The following CNTNAP2 variants were observed in gnomAD, a reference collection of about 807,000 sequenced individuals.
CNTNAP2 encodes the protein contactin associated protein 2, also known as contactin-associated protein-like 2.
In CNTNAP2, 98 loss-of-function variants were observed where a neutral mutation model predicts 155.2. The observed-to-expected ratio is 0.63, with a 90% CI of 0.54 to 0.75. CNTNAP2 has a LOEUF of 0.75. CNTNAP2 is among the 30% of genes least tolerant of loss of function. The pLI is 0.00. For missense variants in CNTNAP2, 1,727 were observed against 1,688.1 expected (o/e 1.02, Z -0.40); for synonymous variants, 651 against 631.2 (o/e 1.03, Z -0.47).
In CNTNAP2 at chr7:146,829,557, C is replaced by T. The variant is rs1803471143; in HGVS notation, c.209-10154C>T. On this transcript the variant is annotated intron_variant, in intron 2 of 23. Transcript: ENST00000361727. ...ACAAATGCAACTGACAATGTTAAGT[C>T]GAAAAGTATTTTTTTTTTACTTAAT... Among the ~76,000 whole-genome samples, 4 of 151,572 alleles carry T rather than the reference C, an allele frequency of 2.6e-5. No individual in the cohort carries two copies. In the East Asian group the frequency reaches 7.7e-4, roughly 29 times the overall value.
chr7:147,678,291 T>C (rs1279404566), intron 13 of CNTNAP2, among the ~76,000 whole-genome samples: 1 of 151,890 alleles, frequency 6.6e-6, no homozygotes, highest in Non-Finnish European at 1.5e-5. Context: ...AAAAATGTTT[T>C]GAAGAGGCAT....
At chr7:146,620,262 C>T (rs978680032) in intron 1 of CNTNAP2, among the ~76,000 whole-genome samples, 1 of 152,016 alleles carries the variant, frequency 6.6e-6, no homozygotes, top group Non-Finnish European at 1.5e-5. Context: ...TGACACCTGC[C>T]GAATCATGCC....
At position 146,780,610 on chromosome 7, in the gene CNTNAP2, C is replaced by T. The variant is rs112884537; in HGVS notation, c.208+6229C>T. Reference sequence around the variant, plus strand: ...GCTTTTTTTTAACATGTTTGTTGGCCGCAATCCAACCCAAATGGCCACCAA... The same window carrying T: ...GCTTTTTTTTAACATGTTTGTTGGCTGCAATCCAACCCAAATGGCCACCAA... On this transcript the variant is annotated intron_variant, in intron 2 of 23. Transcript: ENST00000361727. Among the ~76,000 whole-genome samples the T allele has an allele frequency of 5.0e-3, 754 of 151,860 alleles. 2 individuals are homozygous for T. Among genetic ancestry groups the T allele is most frequent in the Non-Finnish European group, 6.8e-3 (465 of 67,972 alleles).
intron 1 of CNTNAP2, among the ~76,000 whole-genome samples, chr7:146,507,827 T>G (rs1229933499): frequency 6.6e-6 from 1 of 152,164 alleles, no homozygotes; most frequent in Admixed American, 6.5e-5. Flanking sequence ...TTATGACATA[T>G]GGTGGGTTTA....
intron 1 of CNTNAP2, among the ~76,000 whole-genome samples, chr7:146,330,317 C>T (rs536508681): frequency 2.2e-4 from 33 of 152,146 alleles, no homozygotes; most frequent in African/African-American, 5.1e-4. Flanking sequence ...CCACTGCGCC[C>T]GGCTCGACAA....
chr7:146,245,230 G>C (rs1194691252), intron 1 of CNTNAP2, among the ~76,000 whole-genome samples: 1 of 152,062 alleles, frequency 6.6e-6, no homozygotes, highest in African/African-American at 2.4e-5. Context: ...CAGTCATGGG[G>C]GTCAGGTGTG....
chr7:146,720,907 T>C (rs963162556), intron 1 of CNTNAP2, among the ~76,000 whole-genome samples: 2 of 144,468 alleles, frequency 1.4e-5, no homozygotes, highest in Non-Finnish European at 3.0e-5. Flanking sequence ...ATATTCTATA[T>C]ATATACTCTC....
At position 146,679,797 on chromosome 7, in the gene CNTNAP2, G is replaced by A. The variant is rs113429621; in HGVS notation, c.98-94474G>A. Among the ~76,000 whole-genome samples, 1,456 of 151,458 alleles carry A rather than the reference G, an allele frequency of 9.6e-3. 22 individuals are homozygous for A. The highest frequency in any genetic ancestry group is 0.033 in the African/African-American group (1,341 of 41,232). On this transcript the variant is annotated intron_variant, in intron 1 of 23. Coordinates refer to ENST00000361727, the MANE Select transcript of CNTNAP2 (RefSeq NM_014141.6). ...TTTTGCCTGTATTCCCAATTATAGC[G>A]GTAACATTACTTGACTTCAATTGAT...
At chr7:147,202,800 G>T (rs1387864268) in intron 8 of CNTNAP2, among the ~76,000 whole-genome samples, 1 of 151,796 alleles carries the variant, frequency 6.6e-6, no homozygotes, top group Non-Finnish European at 1.5e-5. Context: ...CCTGTAGGGG[G>T]GTAGGGGGCT....
At chr7:146,823,253 A>G (rs181968467) in intron 2 of CNTNAP2, among the ~76,000 whole-genome samples, 203 of 149,206 alleles carry the variant, frequency 1.4e-3, no homozygotes, top group Middle Eastern at 0.011. Flanking sequence ...AAATGTAAAT[A>G]TACTCATTCT....
intron 1 of CNTNAP2, among the ~76,000 whole-genome samples, chr7:146,136,053 A>G (rs569598947): frequency 1.3e-5 from 2 of 152,288 alleles, no homozygotes; most frequent in South Asian, 4.1e-4. Context: ...CATGTTTGTA[A>G]AGCACACATT....
chr7:146,719,619 T>C (rs1406283470), intron 1 of CNTNAP2, among the ~76,000 whole-genome samples: 1 of 152,152 alleles, frequency 6.6e-6, no homozygotes, highest in Non-Finnish European at 1.5e-5. Flanking sequence ...CACTGAATTT[T>C]GCTATCTTTA....
intron 1 of CNTNAP2, among the ~76,000 whole-genome samples, chr7:146,664,462 C>A (rs1371958761): frequency 6.6e-6 from 1 of 152,090 alleles, no homozygotes; most frequent in Non-Finnish European, 1.5e-5. Context: ...TGCCCAGCCC[C>A]ATGGATTGGT....
intron 15 of CNTNAP2, among the ~76,000 whole-genome samples, chr7:147,994,033 CAT>C (rs1429141230): frequency 3.3e-5 from 5 of 152,280 alleles, no homozygotes; most frequent in South Asian, 4.1e-4. Context: ...CACACACACA[CAT>C]GCAGATATAC....
intron 8 of CNTNAP2, among the ~76,000 whole-genome samples, chr7:147,261,195 T>C (rs1381335649): frequency 1.3e-5 from 2 of 152,202 alleles, no homozygotes; most frequent in Admixed American, 6.5e-5. Context: ...TGGTCACCCA[T>C]TAAATCACAT....
At chr7:147,530,767 C>T (rs914696946) in intron 11 of CNTNAP2, among the ~76,000 whole-genome samples, 1 of 152,154 alleles carries the variant, frequency 6.6e-6, no homozygotes, top group Non-Finnish European at 1.5e-5. Flanking sequence ...ACCAATCATG[C>T]CTTCCCAATA....
intron 2 of CNTNAP2, among the ~76,000 whole-genome samples, chr7:146,777,366 C>T (rs943194731): frequency 2.6e-5 from 4 of 152,116 alleles, no homozygotes; most frequent in South Asian, 2.1e-4. Flanking sequence ...CTAATTTTTA[C>T]GGATGGTGAG....
chr7:148,195,827 A>AC (rs1160888925), intron 18 of CNTNAP2, among the ~76,000 whole-genome samples: 1 of 152,026 alleles, frequency 6.6e-6, no homozygotes, highest in Non-Finnish European at 1.5e-5. Flanking sequence ...GTCCCAAGCA[A>AC]CCCCCTTTAG....
chr7:147,788,747 C>A (rs112777884), intron 13 of CNTNAP2, among the ~76,000 whole-genome samples: 1 of 151,996 alleles, frequency 6.6e-6, no homozygotes, highest in Non-Finnish European at 1.5e-5. Flanking sequence ...CCTCCAACCC[C>A]CCTCATCATC....
Sources: gnomAD v4.1 joint callset for allele counts (sites outside exome capture counted in the v4.1 genomes callset) on GRCh38, gnomAD v4.1.1 for gene constraint, MANE v1.5 for transcripts, NCBI Gene and HGNC (gene_info 2026-07-23, HGNC 2026-07-21) for gene names.